SSBP3: variants seen among roughly 807,000 people sequenced by gnomAD.
SSBP3 encodes single stranded DNA binding protein 3.
Under a neutral mutation model 69.6 loss-of-function variants are expected in SSBP3, and 5 were observed. The observed-to-expected ratio is 0.07, with a 90% CI of 0.04 to 0.15. The LOEUF (loss-of-function observed/expected upper bound fraction) is 0.15. SSBP3 is among the 10% of genes least tolerant of loss of function. The pLI is 1.00. For synonymous variants in SSBP3, 196 were observed against 193.4 expected, an observed-to-expected ratio of 1.01 and a Z score of -0.11; for missense variants, 312 against 534.0, an observed-to-expected ratio of 0.58 and a Z score of 4.10.
Position 54,257,149 on chromosome 1 carries a change from G to A in SSBP3, c.485C>T (p.Pro162Leu), listed in dbSNP as rs1006253226. The A allele has an allele frequency of 1.2e-6, 2 of 1,602,480 alleles. No individual in the cohort carries two copies. Among genetic ancestry groups the A allele is most frequent in the Non-Finnish European group, 1.7e-6 (2 of 1,175,794 alleles). The change falls in exon 7 of 18, where the codon CCC becomes CTC. Residue 162 changes from proline to leucine, a missense_variant. Pro to Leu is a moderately conservative substitution (Grantham distance 98). Transcript: ENST00000610401. ...TACCTGGTTTCCCATTCTGATCGGGGGCCTGGGGCCGCCTGCGTATCGCGG... is the reference window on the plus strand; with the variant it reads ...TACCTGGTTTCCCATTCTGATCGGGAGCCTGGGGCCGCCTGCGTATCGCGG...
At chr1:54,391,102 T>C (rs1427295917) in intron 4 of SSBP3, among the ~76,000 whole-genome samples, 1 of 152,228 alleles carries the variant, frequency 6.6e-6, no homozygotes, top group East Asian at 1.9e-4. Flanking sequence ...CTCAAGTCAG[T>C]GGTGGCCCCA....
intron 4 of SSBP3, among the ~76,000 whole-genome samples, chr1:54,371,201 C>G (rs986209740): frequency 6.6e-6 from 1 of 152,240 alleles, no homozygotes; most frequent in African/African-American, 2.4e-5. Context: ...AAACACTATT[C>G]TCAGATAGGA....
At chr1:54,390,773 C>T (rs1016904517) in intron 4 of SSBP3, among the ~76,000 whole-genome samples, 1 of 152,242 alleles carries the variant, frequency 6.6e-6, no homozygotes, top group Non-Finnish European at 1.5e-5. Context: ...CCCGGAGCTG[C>T]GGGCCAGGGC....
intron 4 of SSBP3, among the ~76,000 whole-genome samples, chr1:54,307,197 A>G (rs1452973147): frequency 6.6e-6 from 1 of 151,812 alleles, no homozygotes; most frequent in Non-Finnish European, 1.5e-5. Context: ...AGCTGCCCCC[A>G]GTTATGGCCA....
In SSBP3 at chr1:54,303,119, C is replaced by T. The variant is rs1458252823; in HGVS notation, c.277-21592G>A. Among the ~76,000 whole-genome samples, 3 of 152,190 alleles carry T rather than the reference C, an allele frequency of 2.0e-5. 1 individual carries two copies. Among genetic ancestry groups the T allele is most frequent in the South Asian group, 4.1e-4 (2 of 4,828 alleles). On this transcript the variant is annotated intron_variant, in intron 4 of 17. Coordinates refer to ENST00000610401, the Ensembl canonical transcript of SSBP3. ...TTAGAGACAAGAGCGAGGCACACCG[C>T]GCTAATTACACAGCACAAAGGGTGA... is the stretch of plus-strand genomic sequence containing the variant.
At chr1:54,322,331 G>A (rs1646228194) in intron 4 of SSBP3, among the ~76,000 whole-genome samples, 1 of 152,170 alleles carries the variant, frequency 6.6e-6, no homozygotes, top group South Asian at 2.1e-4. Context: ...GGGAAGCAGA[G>A]GCTTCAGTGG....
chr1:54,279,130 C>T (rs1214062922), intron 5 of SSBP3, among the ~76,000 whole-genome samples: 1 of 152,122 alleles, frequency 6.6e-6, no homozygotes, highest in Non-Finnish European at 1.5e-5. Flanking sequence ...CCCAACGTCA[C>T]CCAGGAAGCA....
chr1:54,342,059 C>CG (rs899984345), intron 4 of SSBP3, among the ~76,000 whole-genome samples: 4 of 152,196 alleles, frequency 2.6e-5, no homozygotes, highest in African/African-American at 9.6e-5. Flanking sequence ...TAAGGCCACG[C>CG]GCAGAGGGAT....
intron 4 of SSBP3, among the ~76,000 whole-genome samples, chr1:54,292,828 A>T (rs886064331): frequency 2.0e-5 from 3 of 152,070 alleles, no homozygotes; most frequent in Admixed American, 6.5e-5. Context: ...TGATACCCCT[A>T]GGAACCAAAA....
intron 4 of SSBP3, among the ~76,000 whole-genome samples, chr1:54,359,124 T>C (rs532113436): frequency 1.8e-4 from 26 of 146,454 alleles, no homozygotes; most frequent in Non-Finnish European, 3.4e-4. Context: ...GAGGCTATTT[T>C]AAACGTAAAC....
In SSBP3 at chr1:54,347,315, C is replaced by T. The variant is rs531790891; in HGVS notation, c.276+54546G>A. ...TCTGGGTTACTTATAATATCTAATACAATATAAATACTAGGTAAATAGTTG... is the reference window on the plus strand; with the variant it reads ...TCTGGGTTACTTATAATATCTAATATAATATAAATACTAGGTAAATAGTTG... On this transcript the variant is annotated intron_variant, in intron 4 of 17. Transcript: ENST00000610401. Among the ~76,000 whole-genome samples, 15 of 150,140 alleles carry T rather than the reference C, an allele frequency of 1.0e-4. No individual in the cohort carries two copies. In the East Asian group the frequency reaches 2.7e-3, roughly 27 times the overall value.
intron 5 of SSBP3, 132 bp downstream of exon 5, chr1:54,281,306 G>T: frequency 1.4e-6 from 1 of 691,358 alleles, no homozygotes; most frequent in Non-Finnish European, 2.4e-6. Flanking sequence ...GGAAGGATTT[G>T]AACCAGCATA....
chr1:54,228,511 GCT>G (rs1331090900), intron 15 of SSBP3, 34 bp from the exon 16 acceptor site: 46 of 1,613,770 alleles, frequency 2.9e-5, no homozygotes, highest in Non-Finnish European at 3.9e-5. Flanking sequence ...TCAGTTTCTT[GCT>G]TGCTCTTCCA....
At chr1:54,342,552 A>G (rs1425177618) in intron 4 of SSBP3, among the ~76,000 whole-genome samples, 2 of 147,462 alleles carry the variant, frequency 1.4e-5, no homozygotes, top group Non-Finnish European at 3.0e-5. Context: ...AAGGCCTCCC[A>G]CACCCTGTCC....
chr1:54,277,025 C>T (rs539213395), intron 5 of SSBP3, among the ~76,000 whole-genome samples: 1 of 152,266 alleles, frequency 6.6e-6, no homozygotes, highest in African/African-American at 2.4e-5. Context: ...TGTGGGCAGA[C>T]TATGGTTGAT....
At chr1:54,376,008 G>C (rs1289860287) in intron 4 of SSBP3, among the ~76,000 whole-genome samples, 2 of 152,088 alleles carry the variant, frequency 1.3e-5, no homozygotes, top group Non-Finnish European at 2.9e-5. Context: ...ACAGGGCAGG[G>C]AGGGAGGGGG....
rs139142445 is a variant in SSBP3, at chr1:54,299,332, C to T, written c.277-17805G>A. Among the ~76,000 whole-genome samples the T allele has an allele frequency of 5.3e-3, 802 of 152,280 alleles. 6 individuals are homozygous for T. The highest frequency in any genetic ancestry group is 0.019 in the African/African-American group (769 of 41,534). ...CTCAAACTCCTGGAAACAAAGGCGG[C>T]AGTCACGGGGGCGTGCTAGCACACC... On this transcript the variant is annotated intron_variant, in intron 4 of 17. Transcript: ENST00000610401.
At chr1:54,251,730 G>C (rs1314600085) in intron 8 of SSBP3, 38 bp from the exon 9 acceptor site, 1 of 1,585,008 alleles carries the variant, frequency 6.3e-7, no homozygotes, top group East Asian at 2.3e-5. Context: ...GATGGCAGGA[G>C]TGGAGGGAGG....
intron 1 of SSBP3, among the ~76,000 whole-genome samples, chr1:54,412,113 C>T (rs1650010894): frequency 6.6e-6 from 1 of 152,152 alleles, no homozygotes; most frequent in Admixed American, 6.5e-5. Context: ...TCACTCCCAC[C>T]TCATTTCCTC....
Sources: gnomAD v4.1 joint callset for allele counts (sites outside exome capture counted in the v4.1 genomes callset) on GRCh38, gnomAD v4.1.1 for gene constraint, MANE v1.5 for transcripts, NCBI Gene and HGNC (gene_info 2026-07-23, HGNC 2026-07-21) for gene names.